The following BMAL1 variants were observed in gnomAD, a reference collection of about 807,000 sequenced individuals.
BMAL1 encodes the protein basic helix-loop-helix ARNT like 1.
chr11:13,308,716 G>T, the BMAL1 span, among the ~76,000 whole-genome samples: 1 of 152,144 alleles, frequency 6.6e-6, no homozygotes, highest in African/African-American at 2.4e-5. Context: ...CCCAGAAGGA[G>T]AATATAATTT....
the BMAL1 span, chr11:13,350,145 T>C: frequency 2.6e-5 from 4 of 152,334 alleles, no homozygotes; most frequent in South Asian, 8.3e-4. Context: ...GTTCTTCCTT[T>C]AGGAAGTGTA....
At chr11:13,282,538 A>G in the BMAL1 span, among the ~76,000 whole-genome samples, 2 of 152,134 alleles carry the variant, frequency 1.3e-5, no homozygotes, top group Non-Finnish European at 2.9e-5. Context: ...GGGGCTGTCC[A>G]TTCCCTGTAC....
the BMAL1 span, among the ~76,000 whole-genome samples, chr11:13,383,824 C>A: frequency 1.3e-5 from 2 of 152,094 alleles, no homozygotes; most frequent in East Asian, 3.8e-4. Context: ...GTACTCCAGC[C>A]TGGGCAACCA....
chr11:13,306,300 G>A, the BMAL1 span, among the ~76,000 whole-genome samples: 1 of 152,142 alleles, frequency 6.6e-6, no homozygotes, highest in African/African-American at 2.4e-5. Context: ...TGCTGCCTGT[G>A]TCCAGGCAGG....
the BMAL1 span, among the ~76,000 whole-genome samples, chr11:13,345,387 A>G: frequency 2.0e-5 from 3 of 152,176 alleles, no homozygotes; most frequent in African/African-American, 7.2e-5. Flanking sequence ...CCAGGTCTTA[A>G]AAGAGTGAGA....
chr11:13,340,898 CACA>C, the BMAL1 span, among the ~76,000 whole-genome samples: 1 of 152,200 alleles, frequency 6.6e-6, no homozygotes, highest in Non-Finnish European at 1.5e-5. Flanking sequence ...ATGTGGTCTG[CACA>C]ACAACCCAGT....
the BMAL1 span, among the ~76,000 whole-genome samples, chr11:13,382,608 C>G: frequency 6.6e-6 from 1 of 151,834 alleles, no homozygotes; most frequent in East Asian, 1.9e-4. Flanking sequence ...CCACCATCTT[C>G]TTAGGGTGGT....
chr11:13,281,316 C>T, the BMAL1 span, among the ~76,000 whole-genome samples: 1 of 152,074 alleles, frequency 6.6e-6, no homozygotes, highest in South Asian at 2.1e-4. Context: ...ACCCTGGGTT[C>T]GTAAGCCTCT....
At chr11:13,324,240 G>A in the BMAL1 span, among the ~76,000 whole-genome samples, 1 of 152,142 alleles carries the variant, frequency 6.6e-6, no homozygotes, top group African/African-American at 2.4e-5. Flanking sequence ...TCATTTCCCT[G>A]CTCTAAACTC....
At chr11:13,296,789 T>A in the BMAL1 span, among the ~76,000 whole-genome samples, 23 of 152,350 alleles carry the variant, frequency 1.5e-4, no homozygotes, top group Admixed American at 1.2e-3. Flanking sequence ...GGGCTCACTG[T>A]AATCAGCATG....
At chr11:13,289,769 A>G in the BMAL1 span, among the ~76,000 whole-genome samples, 4 of 152,150 alleles carry the variant, frequency 2.6e-5, no homozygotes, top group Non-Finnish European at 5.9e-5. Context: ...CATTTTCTTA[A>G]TCCAGTCTGT....
chr11:13,283,390 C>T, the BMAL1 span, among the ~76,000 whole-genome samples: 2 of 152,164 alleles, frequency 1.3e-5, no homozygotes, highest in South Asian at 2.1e-4. Flanking sequence ...TTTCTATGTG[C>T]CAGCACATAT....
At chr11:13,279,092 C>CT in the BMAL1 span, among the ~76,000 whole-genome samples, 1 of 152,232 alleles carries the variant, frequency 6.6e-6, no homozygotes. Flanking sequence ...CCTGACCCCT[C>CT]TCCCCTCTCC....
At chr11:13,312,745 A>G in the BMAL1 span, among the ~76,000 whole-genome samples, 1 of 152,162 alleles carries the variant, frequency 6.6e-6, no homozygotes, top group Admixed American at 6.5e-5. Context: ...GCATCGTAGC[A>G]CAGAATCTGG....
chr11:13,304,712 C>T, the BMAL1 span, among the ~76,000 whole-genome samples: 4 of 152,140 alleles, frequency 2.6e-5, no homozygotes, highest in African/African-American at 9.7e-5. Context: ...TGAGTGTGCC[C>T]TCTAGGGGGG....
the BMAL1 span, among the ~76,000 whole-genome samples, chr11:13,367,856 T>C: frequency 1.3e-3 from 200 of 152,240 alleles, no homozygotes; most frequent in African/African-American, 4.6e-3. Flanking sequence ...ACCTATTTCT[T>C]TGGGTTGTTG....
the BMAL1 span, among the ~76,000 whole-genome samples, chr11:13,368,029 C>G: frequency 6.6e-6 from 1 of 152,230 alleles, no homozygotes. Flanking sequence ...TCTTTCATTA[C>G]AGCACACCGC....
the BMAL1 span, among the ~76,000 whole-genome samples, chr11:13,348,952 C>T: frequency 2.9e-3 from 437 of 152,246 alleles, 2 homozygotes; most frequent in African/African-American, 0.01. Flanking sequence ...AGGAAAGCCC[C>T]GTTTAAAATC....
At chr11:13,285,185 T>A in the BMAL1 span, among the ~76,000 whole-genome samples, 5 of 152,362 alleles carry the variant, frequency 3.3e-5, no homozygotes, top group South Asian at 1.0e-3. Flanking sequence ...TATGTCATAA[T>A]GAGCAAATTA....
Sources: allele counts gnomAD v4.1 joint callset (sites outside exome capture counted in the v4.1 genomes callset), GRCh38; gene constraint gnomAD v4.1.1; transcripts MANE v1.5; gene names NCBI Gene and HGNC (gene_info 2026-07-23, HGNC 2026-07-21).